TMEM131L: variants seen among roughly 807,000 people sequenced by gnomAD.
TMEM131L encodes the protein transmembrane 131 like, also known as transmembrane protein 131-like.
A neutral mutation model predicts 192.2 loss-of-function variants in TMEM131L; 54 were observed. The observed-to-expected ratio is 0.28, with a 90% CI of 0.23 to 0.35. The LOEUF (loss-of-function observed/expected upper bound fraction) is 0.35, where lower values mean the gene tolerates loss of function less well. Among genes scored for constraint, TMEM131L ranks in the 10% least tolerant of loss-of-function variants. The pLI is 1.00. For synonymous variants in TMEM131L, 701 were observed against 704.9 expected (o/e 0.99, Z 0.09); for missense variants, 1,888 against 1,972.9 (o/e 0.96, Z 0.82).
rs192213006 is a variant in TMEM131L, at chr4:153,603,501, T to C, written c.2789+49T>C. 3.2e-5 allele frequency: 50 copies of C among 1,542,598 alleles called. No homozygotes were observed. In the African/African-American group the frequency reaches 6.5e-4, roughly 20 times the overall value. On this transcript the variant is annotated intron_variant, in intron 24 of 34. Coordinates refer to ENST00000409959, the MANE Select transcript of TMEM131L (RefSeq NM_001131007.2). ...GGGAGCGGGGGCGGTTTCTCACTTTTGATATTACTCATTTCTGATTTAATT... is the reference window on the plus strand; with the variant it reads ...GGGAGCGGGGGCGGTTTCTCACTTTCGATATTACTCATTTCTGATTTAATT...
chr4:153,505,689 G>C (rs1234426476), intron 3 of TMEM131L, among the ~76,000 whole-genome samples: 2 of 152,182 alleles, frequency 1.3e-5, no homozygotes, highest in East Asian at 3.8e-4. Flanking sequence ...ACTGGTATGA[G>C]ACAGTACTAT....
At chr4:153,558,070 C>T (rs2150483770) in intron 6 of TMEM131L, among the ~76,000 whole-genome samples, 188 bp from the exon 7 acceptor site, 1 of 152,346 alleles carries the variant, frequency 6.6e-6, no homozygotes, top group Middle Eastern at 3.4e-3. Context: ...CGTGCTCAGC[C>T]AGCATTCTGC....
chr4:153,483,798 C>T (rs974526745), intron 3 of TMEM131L, among the ~76,000 whole-genome samples: 2 of 152,134 alleles, frequency 1.3e-5, no homozygotes, highest in Non-Finnish European at 2.9e-5. Context: ...ACCAAACTTA[C>T]ATTTCTTTAG....
intron 21 of TMEM131L, among the ~76,000 whole-genome samples, chr4:153,600,415 T>C (rs1341284486): frequency 2.0e-5 from 3 of 151,708 alleles, no homozygotes; most frequent in African/African-American, 7.3e-5. Flanking sequence ...GTGTGACTGA[T>C]GAAATTGATT....
At chr4:153,482,053 G>A (rs1423434392) in intron 3 of TMEM131L, among the ~76,000 whole-genome samples, 2 of 151,874 alleles carry the variant, frequency 1.3e-5, no homozygotes, top group Non-Finnish European at 2.9e-5. Flanking sequence ...CACCATGTTG[G>A]ATAAATGGTC....
intron 6 of TMEM131L, 110 bp downstream of exon 6, chr4:153,557,192 G>C: frequency 1.5e-6 from 1 of 659,758 alleles, no homozygotes; most frequent in Non-Finnish European, 2.7e-6. Flanking sequence ...GGTTTATGTC[G>C]TTAAAATACA....
At chr4:153,574,598 G>C (rs1195660230) in intron 7 of TMEM131L, among the ~76,000 whole-genome samples, 1 of 152,170 alleles carries the variant, frequency 6.6e-6, no homozygotes, top group African/African-American at 2.4e-5. Flanking sequence ...GTTGGCATAA[G>C]AGATTTACTT....
chr4:153,572,934 C>G (rs929990284), intron 7 of TMEM131L, among the ~76,000 whole-genome samples: 10 of 152,152 alleles, frequency 6.6e-5, no homozygotes, highest in Non-Finnish European at 1.0e-4. Context: ...ATTCTAGGTC[C>G]CTCATAGAAG....
chr4:153,629,249 GCTT>G (rs1734053268), intron 31 of TMEM131L, among the ~76,000 whole-genome samples: 1 of 152,120 alleles, frequency 6.6e-6, no homozygotes, highest in Non-Finnish European at 1.5e-5. Flanking sequence ...ACTTGATCTT[GCTT>G]CTTGCTTTAC....
At chr4:153,603,483 G>T (rs556451388) in intron 24 of TMEM131L, 31 bp downstream of exon 24, 2 of 1,584,546 alleles carry the variant, frequency 1.3e-6, no homozygotes, top group Non-Finnish European at 1.7e-6. Context: ...GTTGGGAGCG[G>T]GGGCGGTTTC....
In TMEM131L at chr4:153,624,378, C is replaced by T. The variant is rs146196717; in HGVS notation, c.4045+1295C>T. On this transcript the variant is annotated intron_variant, in intron 29 of 34. Coordinates refer to ENST00000409959, the MANE Select transcript of TMEM131L (RefSeq NM_001131007.2). The stretch of plus-strand genomic sequence containing the variant: ...AAGTGATCTGCCCGCCTTGGCCTCC[C>T]AAAGTGCCGGGATTACAGGCGTGGG... Among the ~76,000 whole-genome samples, 1,026 of 152,362 alleles carry T rather than the reference C, an allele frequency of 6.7e-3. 7 individuals are homozygous for T. Among genetic ancestry groups the T allele is most frequent in the African/African-American group, 0.023 (977 of 41,590 alleles).
chr4:153,614,141 G>T (rs944973609), intron 26 of TMEM131L, among the ~76,000 whole-genome samples: 2 of 152,214 alleles, frequency 1.3e-5, no homozygotes. Flanking sequence ...CCTGCAGGTA[G>T]AGGAACCATT....
chr4:153,548,779 G>A (rs1427425176), intron 3 of TMEM131L, among the ~76,000 whole-genome samples: 3 of 152,044 alleles, frequency 2.0e-5, no homozygotes, highest in Non-Finnish European at 4.4e-5. Flanking sequence ...AAGGGTTCTC[G>A]GGTCTCTGCA....
intron 26 of TMEM131L, among the ~76,000 whole-genome samples, chr4:153,615,419 G>T (rs1732907897): frequency 6.6e-6 from 1 of 152,226 alleles, no homozygotes; most frequent in Non-Finnish European, 1.5e-5. Flanking sequence ...TACCCATGTG[G>T]TGGTTGGACA....
At chr4:153,498,798 G>T (rs539180412) in intron 3 of TMEM131L, among the ~76,000 whole-genome samples, 2 of 152,184 alleles carry the variant, frequency 1.3e-5, no homozygotes, top group South Asian at 4.1e-4. Context: ...AAATTGAGAA[G>T]CTGCCATTTA....
chr4:153,616,557 T>G lies in TMEM131L; in HGVS notation c.3567+4157T>G, dbSNP rs1300989685. Among the ~76,000 whole-genome samples the G allele has an allele frequency of 2.0e-5, 3 of 152,216 alleles. 1 individual carries two copies. In the East Asian group the frequency reaches 5.8e-4, roughly 29 times the overall value. On this transcript the variant is annotated intron_variant, in intron 26 of 34. Coordinates refer to ENST00000409959, the MANE Select transcript of TMEM131L (RefSeq NM_001131007.2). Reference sequence around the variant, plus strand: ...AGGTTTGGAATCCGCAAACTAAATTTTAACCCTAGCTTTGGCTTTTTATTT... The same window carrying G: ...AGGTTTGGAATCCGCAAACTAAATTGTAACCCTAGCTTTGGCTTTTTATTT...
chr4:153,541,416 A>G (rs866063715), intron 3 of TMEM131L, among the ~76,000 whole-genome samples: 1 of 152,226 alleles, frequency 6.6e-6, no homozygotes, highest in Non-Finnish European at 1.5e-5. Context: ...ACATGGAGTT[A>G]TGGAAGACAC....
At chr4:153,548,601 C>T (rs927277699) in intron 3 of TMEM131L, among the ~76,000 whole-genome samples, 7 of 152,128 alleles carry the variant, frequency 4.6e-5, no homozygotes, top group East Asian at 1.9e-4. Flanking sequence ...CTGCGTCCGG[C>T]GGCATCACTT....
Position 153,555,807 on chromosome 4 carries a change from C to T in TMEM131L, c.329C>T (p.Ala110Val). 6.4e-7 allele frequency: 1 copy of T among 1,551,552 alleles called. No homozygotes were observed. The highest frequency in any genetic ancestry group is 8.7e-7 in the Non-Finnish European group (1 of 1,146,794). The part of the protein sequence containing the change: ...FGIQFLGHPV[A>V]KILHAYNPSR... ...CCTAGGTTCCTGGGACATCCTGTAG[C>T]AAAGATTCTCCATGCTTACAACCCT... The change falls in exon 5 of 35, where the codon GCA becomes GTA. Residue 110 changes from alanine to valine, a missense_variant. Coordinates refer to ENST00000409959, the MANE Select transcript of TMEM131L (RefSeq NM_001131007.2). The surrounding 1 kb of genome is among the most constrained non-coding windows in gnomAD (Gnocchi z 4.1).
Sources: gnomAD v4.1 joint callset for allele counts (sites outside exome capture counted in the v4.1 genomes callset) on GRCh38, gnomAD v4.1.1 for gene constraint, Gnocchi (gnomAD v3.1) non-coding constraint, MANE v1.5 for transcripts, NCBI Gene and HGNC (gene_info 2026-07-23, HGNC 2026-07-21) for gene names.